CDH19: variants seen among roughly 807,000 people sequenced by gnomAD.
CDH19 encodes cadherin 19, also known as cadherin-19.
A neutral mutation model predicts 64.2 loss-of-function variants in CDH19; 67 were observed. The ratio of observed to expected loss-of-function variants is 1.04; its 90% CI spans 0.86 to 1.28. The LOEUF (loss-of-function observed/expected upper bound fraction) is 1.28. Among genes scored for constraint, CDH19 ranks in the 50% most tolerant of loss-of-function variants. The pLI is 0.00. For synonymous variants in CDH19, 346 were observed against 319.3 expected (o/e 1.08, Z -0.89); for missense variants, 1,030 against 929.0 (o/e 1.11, Z -1.41).
chr18:66,544,611 G>C, intron 6 of CDH19, 108 bp downstream of exon 6: 1 of 679,284 alleles, frequency 1.5e-6, no homozygotes, highest in Non-Finnish European at 2.3e-6. Flanking sequence ...ATAAATTACT[G>C]GTTCTCATTT....
intron 9 of CDH19, among the ~76,000 whole-genome samples, chr18:66,521,501 C>A (rs899431989): frequency 3.7e-5 from 4 of 107,856 alleles, no homozygotes; most frequent in African/African-American, 1.5e-4. Flanking sequence ...TTATCTCTGG[C>A]CTTTATTTAT....
chr18:66,586,805 A>G (rs1013640235), intron 1 of CDH19, among the ~76,000 whole-genome samples: 3 of 152,128 alleles, frequency 2.0e-5, no homozygotes, highest in Non-Finnish European at 4.4e-5. Flanking sequence ...TATTAGAACA[A>G]TGTTAAGAAA....
At chr18:66,575,676 C>G (rs1988245209) in intron 1 of CDH19, among the ~76,000 whole-genome samples, 1 of 151,650 alleles carries the variant, frequency 6.6e-6, no homozygotes, top group South Asian at 2.1e-4. Flanking sequence ...CATCAGCACA[C>G]AAGGGGAACT....
At chr18:66,599,306 C>T (rs1159126790) in intron 1 of CDH19, among the ~76,000 whole-genome samples, 1 of 151,222 alleles carries the variant, frequency 6.6e-6, no homozygotes, top group Non-Finnish European at 1.5e-5. Context: ...TCAGCCAGCA[C>T]GGAAAGAGAA....
chr18:66,519,095 G>T (rs973164662), intron 9 of CDH19, among the ~76,000 whole-genome samples: 3 of 151,844 alleles, frequency 2.0e-5, no homozygotes, highest in Non-Finnish European at 4.4e-5. Context: ...TTGTTAATTC[G>T]ACTCCCCTAA....
chr18:66,505,082 C>A lies in CDH19; in HGVS notation c.2049G>T (p.Arg683Ser). ...TGTCGGGGCCAACTTGCAAAGACTG[C>A]CTGTATAGGCTCCTGATCTCAGCGC... ...TTSAEIRSLYRQSLQVGPDSA... is the reference protein window; with the variant it reads ...TTSAEIRSLYSQSLQVGPDSA... Residue 683 changes from arginine (R) to serine (S), a missense_variant, in exon 12 of 12, where the codon AGG (arginine) becomes AGT (serine). Coordinates refer to ENST00000262150, the MANE Select transcript of CDH19 (RefSeq NM_021153.4). The A allele has an allele frequency of 6.2e-7, 1 of 1,613,694 alleles. No homozygotes were observed. Among genetic ancestry groups the A allele is most frequent in the Non-Finnish European group, 8.5e-7 (1 of 1,179,764 alleles).
intron 10 of CDH19, among the ~76,000 whole-genome samples, chr18:66,510,064 G>A (rs1985397455): frequency 6.6e-6 from 1 of 151,634 alleles, no homozygotes; most frequent in Non-Finnish European, 1.5e-5. Context: ...GTAATTTCTT[G>A]TACCTCAGAA....
intron 9 of CDH19, among the ~76,000 whole-genome samples, chr18:66,525,821 G>A (rs1486457639): frequency 6.6e-6 from 1 of 152,008 alleles, no homozygotes; most frequent in African/African-American, 2.4e-5. Flanking sequence ...TCTTTCAGAT[G>A]CTTATAGGAC....
intron 1 of CDH19, among the ~76,000 whole-genome samples, chr18:66,599,894 C>T (rs564175291): frequency 6.6e-5 from 10 of 151,732 alleles, no homozygotes; most frequent in Admixed American, 6.6e-4. Context: ...ACACAGAAGA[C>T]AGTAAAGTAT....
intron 1 of CDH19, among the ~76,000 whole-genome samples, chr18:66,599,784 C>T (rs952037970): frequency 6.6e-6 from 1 of 151,900 alleles, no homozygotes; most frequent in Non-Finnish European, 1.5e-5. Context: ...TAAATTTCTA[C>T]TTTTTAATTC....
intron 6 of CDH19, 44 bp downstream of exon 6, chr18:66,544,675 A>T: frequency 7.6e-7 from 1 of 1,319,006 alleles, no homozygotes; most frequent in Non-Finnish European, 1.0e-6. Flanking sequence ...GTTATGTTTT[A>T]ATTTTGCGCT....
intron 8 of CDH19, among the ~76,000 whole-genome samples, chr18:66,533,738 A>T (rs111584911): frequency 0.017 from 2,554 of 152,064 alleles, 62 homozygotes; most frequent in African/African-American, 0.057. Context: ...GAAAAAAAAA[A>T]TTTTTAAATG....
chr18:66,511,134 T>C (rs1985461675), intron 10 of CDH19, among the ~76,000 whole-genome samples: 1 of 151,722 alleles, frequency 6.6e-6, no homozygotes, highest in Admixed American at 6.6e-5. Flanking sequence ...TTAACCCAAT[T>C]TCACATATTC....
intron 3 of CDH19, among the ~76,000 whole-genome samples, chr18:66,561,322 G>C (rs1297712601): frequency 1.3e-5 from 2 of 152,032 alleles, no homozygotes; most frequent in Non-Finnish European, 2.9e-5. Context: ...GAACTGTCCT[G>C]GGTAAAACTG....
intron 7 of CDH19, among the ~76,000 whole-genome samples, chr18:66,538,070 C>T (rs1409799468): frequency 6.6e-6 from 1 of 151,840 alleles, no homozygotes; most frequent in Non-Finnish European, 1.5e-5. Flanking sequence ...GTGTTCAATC[C>T]CAATATACAT....
intron 6 of CDH19, 45 bp from the exon 7 acceptor site, chr18:66,544,269 C>T (rs1296874661): frequency 1.9e-6 from 3 of 1,551,474 alleles, no homozygotes; most frequent in Non-Finnish European, 2.6e-6. Flanking sequence ...CTTTAGTAAC[C>T]CAAGATACTA....
Position 66,523,862 on chromosome 18 carries a change from G to A in CDH19, c.1458+5983C>T, listed in dbSNP as rs529729029. On this transcript the variant is annotated intron_variant, in intron 9 of 11. Transcript: ENST00000262150. Reference sequence around the variant, plus strand: ...TTCATCCACAGCCCTCTACTGACAAGGCTCAACCTTGCACTCACCGTAAAG... The same window carrying A: ...TTCATCCACAGCCCTCTACTGACAAAGCTCAACCTTGCACTCACCGTAAAG... Among the ~76,000 whole-genome samples, 9 of 139,672 alleles carry A rather than the reference G, an allele frequency of 6.4e-5. No individual in the cohort carries two copies. The South Asian group carries it at 2.3e-3, about 36-fold the overall frequency. The allele number at this position is 139,672 out of a possible 152,430, so 91.6% of individuals were successfully genotyped here.
chr18:66,579,084 A>G (rs77301070), intron 1 of CDH19, among the ~76,000 whole-genome samples: 2,401 of 152,026 alleles, frequency 0.016, 57 homozygotes, highest in African/African-American at 0.055. Context: ...AAGTCTTAGA[A>G]GTAGAAATAT....
rs942205272 is a variant in CDH19 at position 66,556,179 on chromosome 18, A to T, written c.491-1655T>A. 4.2e-4 allele frequency among the ~76,000 whole-genome samples: 63 copies of T among 151,694 alleles called. No homozygotes were observed. In the Middle Eastern group the frequency reaches 0.01, roughly 25 times the overall value. ...AAATTTTATTATATATATTTAAGGT[A>T]TGCAACATGTTATGCATATAGATAG... On this transcript the variant is annotated intron_variant, in intron 3 of 11. Coordinates refer to ENST00000262150, the MANE Select transcript of CDH19 (RefSeq NM_021153.4).
Sources: allele counts gnomAD v4.1 joint callset (sites outside exome capture counted in the v4.1 genomes callset), GRCh38; gene constraint gnomAD v4.1.1; transcripts MANE v1.5; gene names NCBI Gene and HGNC (gene_info 2026-07-23, HGNC 2026-07-21).